Variants in ZNF713 observed in about 807,000 individuals in gnomAD.
ZNF713 encodes zinc finger protein 713.
ZNF713 carries 21 observed loss-of-function variants against 28.7 expected under a neutral mutation model. That is an observed-to-expected ratio of 0.73 (90% CI 0.52 to 1.05). The LOEUF is 1.05. ZNF713 is among the 50% of genes least tolerant of loss of function. The probability of loss-of-function intolerance (pLI) is 0.00; values close to 1 mark genes in which losing one functional copy is unlikely to be tolerated. For synonymous variants in ZNF713, 167 were observed against 178.0 expected (o/e 0.94, Z 0.49); for missense variants, 458 against 532.4 (o/e 0.86, Z 1.37).
intron 1 of ZNF713, among the ~76,000 whole-genome samples, chr7:55,893,560 A>AG (rs1785424964): frequency 6.6e-6 from 1 of 151,966 alleles, no homozygotes; most frequent in African/African-American, 2.4e-5. Flanking sequence ...TTGGAGAAAA[A>AG]GCATTCCTGT....
At chr7:55,889,965 A>G (rs1169710666) in intron 1 of ZNF713, among the ~76,000 whole-genome samples, 1 of 152,100 alleles carries the variant, frequency 6.6e-6, no homozygotes, top group Non-Finnish European at 1.5e-5. Context: ...TAGAGGTGGG[A>G]AGTTCAAAAT....
At chr7:55,938,361 C>CA (rs1372980061) in intron 6 of ZNF713, among the ~76,000 whole-genome samples, 5 of 151,280 alleles carry the variant, frequency 3.3e-5, no homozygotes, top group Non-Finnish European at 5.9e-5. Context: ...CATGCTTGTC[C>CA]AAAATATGTT....
Position 55,930,068 on chromosome 7 carries a change from CT to C in ZNF713, c.307+6379del, listed in dbSNP as rs367899058. On this transcript the variant is annotated intron_variant, in intron 6 of 6. Coordinates refer to ENST00000429591, the MANE Select transcript of ZNF713 (RefSeq NM_182633.3). ...CCCAATAAAAATAATATGAACAGTTCTTTTTTTTTTGAAATAGAGTCTTGCT... is the reference window on the plus strand; with the variant it reads ...CCCAATAAAAATAATATGAACAGTTCTTTTTTTTTGAAATAGAGTCTTGCT... 8.5e-3 allele frequency among the ~76,000 whole-genome samples: 1,264 copies of C among 148,408 alleles called. 13 individuals carry two copies. Among genetic ancestry groups the C allele is most frequent in the African/African-American group, 0.028 (1,151 of 40,624 alleles).
At chr7:55,899,530 G>A (rs921958766) in intron 1 of ZNF713, among the ~76,000 whole-genome samples, 4 of 151,060 alleles carry the variant, frequency 2.6e-5, no homozygotes, top group African/African-American at 4.9e-5. Flanking sequence ...AAAATTTGCC[G>A]GGTGTGGTGG....
intron 6 of ZNF713, among the ~76,000 whole-genome samples, chr7:55,935,368 C>A (rs540056146): frequency 5.3e-5 from 8 of 150,380 alleles, no homozygotes; most frequent in African/African-American, 1.5e-4. Context: ...TGAAGTAGAC[C>A]TATATATATA....
intron 2 of ZNF713, among the ~76,000 whole-genome samples, chr7:55,908,039 T>C: frequency 6.6e-6 from 1 of 152,092 alleles, no homozygotes; most frequent in Non-Finnish European, 1.5e-5. Context: ...ATTTCTATGC[T>C]GTTTTTCATT....
At chr7:55,925,350 C>T (rs1356623802) in intron 6 of ZNF713, among the ~76,000 whole-genome samples, 1 of 152,108 alleles carries the variant, frequency 6.6e-6, no homozygotes, top group Non-Finnish European at 1.5e-5. Context: ...TGGCCGGGCA[C>T]AGTGGCTTAC....
At chr7:55,926,324 G>A (rs2116246820) in intron 6 of ZNF713, among the ~76,000 whole-genome samples, 2 of 152,198 alleles carry the variant, frequency 1.3e-5, no homozygotes, top group South Asian at 2.1e-4. Context: ...AAAATAAAAA[G>A]AAAACTTCCA....
At chr7:55,919,858 T>G (rs978658342) in intron 4 of ZNF713, among the ~76,000 whole-genome samples, 4 of 151,436 alleles carry the variant, frequency 2.6e-5, no homozygotes, top group African/African-American at 9.8e-5. Context: ...ACTCTCTACC[T>G]CAAGTGTATT....
intron 2 of ZNF713, among the ~76,000 whole-genome samples, chr7:55,907,758 G>C (rs1173219847): frequency 6.6e-6 from 1 of 152,012 alleles, no homozygotes; most frequent in Non-Finnish European, 1.5e-5. Context: ...ATGGCCTCCA[G>C]CTCCATCCAT....
At position 55,887,896 on chromosome 7, in the gene ZNF713, C is replaced by CGGGT. The variant is rs1554334696; in HGVS notation, c.-583+218_-583+219insGTGG. Among the ~76,000 whole-genome samples the CGGGT allele has an allele frequency of 2.0e-3, 164 of 82,256 alleles. 20 individuals carry two copies. Among genetic ancestry groups the CGGGT allele is most frequent in the Admixed American group, 0.011 (90 of 8,316 alleles). The allele number at this position is 82,256 out of a possible 152,430, so 54.0% of individuals were successfully genotyped here. ...CGGCGGCGGCGGCGGCGGGCGGCGG[C>CGGGT]GGCGGCGGGAGGCGGCAGGTGGCGG... On this transcript the variant is annotated intron_variant, in intron 1 of 6. Coordinates refer to ENST00000429591, the MANE Select transcript of ZNF713 (RefSeq NM_182633.3).
chr7:55,913,271 G>A (rs1232849164), intron 4 of ZNF713, among the ~76,000 whole-genome samples: 1 of 138,760 alleles, frequency 7.2e-6, no homozygotes, highest in East Asian at 2.2e-4. Flanking sequence ...GCACGATCTC[G>A]GTTCACTGCA....
intron 1 of ZNF713, among the ~76,000 whole-genome samples, chr7:55,903,041 A>T (rs1435595051): frequency 6.6e-6 from 1 of 150,452 alleles, no homozygotes; most frequent in Non-Finnish European, 1.5e-5. Flanking sequence ...GGTTTTGAGC[A>T]TTGTACTGTG....
chr7:55,939,531 A>T lies in ZNF713; in HGVS notation c.857A>T (p.Tyr286Phe). The T allele has an allele frequency of 6.2e-7, 1 of 1,614,040 alleles. No homozygotes were observed. Among genetic ancestry groups the T allele is most frequent in the African/African-American group, 1.3e-5 (1 of 75,062 alleles). Residue 286 changes from tyrosine to phenylalanine, a missense_variant, in exon 7 of 7, where the codon TAT becomes TTT. Coordinates refer to ENST00000429591, the MANE Select transcript of ZNF713 (RefSeq NM_182633.3). ...ATGTTGCTTACAGGAGAGAAGCCCT[A>T]TAAGTGTGATGAATGTGGAAAAAGA... ...PQMLLTGEKPYKCDECGKRFS... is the reference protein window; with the variant it reads ...PQMLLTGEKPFKCDECGKRFS...
rs1562731320 is a variant in ZNF713, at chr7:55,887,779, GGC to G, written c.-583+101_-583+102del. ...GCGGAGGCGGGGGGCGGAGGCGGGG[GGC>G]GGAGGCGGGGGGCGGAGGCGGGGGG... On this transcript the variant is annotated intron_variant, in intron 1 of 6. Transcript: ENST00000429591. The G allele has an allele frequency of 7.9e-3, 7 of 882 alleles. 3 individuals carry two copies. Among genetic ancestry groups the G allele is most frequent in the Non-Finnish European group, 5.0e-3 (2 of 398 alleles). The allele number at this position is 882 out of a possible 1,614,324, so 0.1% of individuals were successfully genotyped here.
At chr7:55,925,098 G>A (rs1260628805) in intron 6 of ZNF713, among the ~76,000 whole-genome samples, 1 of 152,014 alleles carries the variant, frequency 6.6e-6, no homozygotes, top group Middle Eastern at 3.4e-3. Flanking sequence ...TTAACAAGGA[G>A]TGGACTGCTG....
chr7:55,887,623 CGGCGGCGGCGGCGGCGTCAGGG>C lies in ZNF713; in HGVS notation c.-634_-613del, dbSNP rs1785270469. ...ACCGCGGCGGCGGCGGCGGCGGCGG[CGGCGGCGGCGGCGGCGTCAGGG>C]GGCGGAGCCTGCCGAAGCGCCCTTT... On this transcript the variant is annotated 5_prime_UTR_variant, in exon 1 of 7. Transcript: ENST00000429591. 5.4e-6 allele frequency: 1 copy of C among 185,970 alleles called. No homozygotes were observed. Among genetic ancestry groups the C allele is most frequent in the Non-Finnish European group, 1.0e-5 (1 of 96,220 alleles). The allele number at this position is 185,970 out of a possible 1,614,324, so 11.5% of individuals were successfully genotyped here.
At chr7:55,903,278 A>G (rs577241973) in intron 1 of ZNF713, among the ~76,000 whole-genome samples, 10 of 152,274 alleles carry the variant, frequency 6.6e-5, no homozygotes, top group South Asian at 4.1e-4. Context: ...AGTTAACCAG[A>G]TAGACCAGGT....
At chr7:55,926,633 T>A (rs1039539367) in intron 6 of ZNF713, among the ~76,000 whole-genome samples, 12 of 152,196 alleles carry the variant, frequency 7.9e-5, no homozygotes, top group Non-Finnish European at 1.8e-4. Context: ...CTGGTCCTTA[T>A]TTATCTAAAA....
Sources: allele counts gnomAD v4.1 joint callset (sites outside exome capture counted in the v4.1 genomes callset), GRCh38; gene constraint gnomAD v4.1.1; transcripts MANE v1.5; gene names NCBI Gene and HGNC (gene_info 2026-07-23, HGNC 2026-07-21).